Variants in SLC44A5 observed in about 807,000 individuals in gnomAD.
The protein encoded by SLC44A5 is solute carrier family 44 member 5, also known as choline transporter-like protein 5.
Under a neutral mutation model 101.8 loss-of-function variants are expected in SLC44A5, and 57 were observed. That is an observed-to-expected ratio of 0.56 (90% CI 0.45 to 0.70). The LOEUF (loss-of-function observed/expected upper bound fraction) is 0.70, where lower values mean the gene tolerates loss of function less well. Among genes scored for constraint, SLC44A5 ranks in the 30% least tolerant of loss-of-function variants. The probability of loss-of-function intolerance (pLI) is 0.00; values close to 1 mark genes in which losing one functional copy is unlikely to be tolerated. For missense variants in SLC44A5, 737 were observed against 853.1 expected (o/e 0.86, Z 1.70); for synonymous variants, 281 against 290.9 (o/e 0.97, Z 0.35).
intron 4 of SLC44A5, among the ~76,000 whole-genome samples, chr1:75,324,503 A>T (rs1172226430): frequency 6.6e-6 from 1 of 152,236 alleles, no homozygotes; most frequent in Admixed American, 6.5e-5. Flanking sequence ...CTATTAAAGC[A>T]ATCTGTGCTT....
Position 75,437,723 on chromosome 1 carries a change from A to C in SLC44A5, c.14-41102T>G, listed in dbSNP as rs1664970208. Among the ~76,000 whole-genome samples the C allele has an allele frequency of 2.0e-5, 3 of 152,164 alleles. No homozygotes were observed. In the East Asian group the frequency reaches 5.8e-4, roughly 29 times the overall value. Reference sequence around the variant, plus strand: ...CACCAGAATGATTAGCATCATCTCCAACACTCTCACTGGTATTGATAGGTG... The same window carrying C: ...CACCAGAATGATTAGCATCATCTCCCACACTCTCACTGGTATTGATAGGTG... On this transcript the variant is annotated intron_variant, in intron 2 of 23. Transcript: ENST00000370859.
chr1:75,234,591 T>A (rs1321591301), intron 11 of SLC44A5, among the ~76,000 whole-genome samples: 1 of 151,972 alleles, frequency 6.6e-6, no homozygotes, highest in Non-Finnish European at 1.5e-5. Flanking sequence ...TAACTGGCCA[T>A]CCCCGGAGCC....
At chr1:75,702,239 T>C in the SLC44A5 span, among the ~76,000 whole-genome samples, 37,585 of 152,034 alleles carry the variant, frequency 0.25, 4,971 homozygotes, top group Non-Finnish European at 0.3. Flanking sequence ...GGAGGCATCA[T>C]GCTACCTGAC....
chr1:75,570,076 A>C (rs914913122), intron 1 of SLC44A5, among the ~76,000 whole-genome samples: 1 of 152,194 alleles, frequency 6.6e-6, no homozygotes, highest in East Asian at 1.9e-4. Context: ...AATTCCTACT[A>C]GTCATTTGTT....
At chr1:75,376,133 T>C (rs2101207898) in intron 3 of SLC44A5, among the ~76,000 whole-genome samples, 1 of 152,342 alleles carries the variant, frequency 6.6e-6, no homozygotes, top group South Asian at 2.1e-4. Flanking sequence ...TCCGACCGGC[T>C]TAAAAAACGG....
intron 1 of SLC44A5, among the ~76,000 whole-genome samples, chr1:75,593,247 T>C (rs779029712): frequency 3.3e-5 from 5 of 151,980 alleles, no homozygotes; most frequent in African/African-American, 4.8e-5. Context: ...CTCAAAACCA[T>C]TGCTTATCAG....
At chr1:75,641,418 G>A in the SLC44A5 span, 3 of 1,110,402 alleles carry the variant, frequency 2.7e-6, no homozygotes, top group Admixed American at 1.7e-5. Context: ...TTGCTTTGTG[G>A]AGAATAAGCA....
intron 23 of SLC44A5, chr1:75,206,510 G>C (rs1646751099): frequency 1.2e-6 from 1 of 834,820 alleles, no homozygotes; most frequent in African/African-American, 1.7e-5. Flanking sequence ...ATTAAGCACA[G>C]AAATTTCACA....
At chr1:75,378,786 C>A (rs374468645) in intron 3 of SLC44A5, among the ~76,000 whole-genome samples, 1 of 81,026 alleles carries the variant, frequency 1.2e-5, no homozygotes. Flanking sequence ...CAACCTCAAA[C>A]GCAGGTTAAA....
At chr1:75,478,478 C>G (rs557525819) in intron 2 of SLC44A5, among the ~76,000 whole-genome samples, 22 of 152,040 alleles carry the variant, frequency 1.4e-4, no homozygotes, top group Non-Finnish European at 2.2e-4. Context: ...AGAGTCAAGA[C>G]CCATCAGTGT....
chr1:75,251,297 G>C lies in SLC44A5; in HGVS notation c.261-3C>G. ...AGTAAAACAAAATGGTCTTGTTCCT[G>C]TTAAGAAAGAAAACATAATCTTTTT... On this transcript the variant is annotated splice_region_variant and splice_polypyrimidine_tract_variant and intron_variant, in intron 6 of 23. Coordinates refer to ENST00000370859, the MANE Select transcript of SLC44A5 (RefSeq NM_001130058.2). 6.2e-7 allele frequency: 1 copy of C among 1,607,922 alleles called. No homozygotes were observed. Among genetic ancestry groups the C allele is most frequent in the Admixed American group, 1.7e-5 (1 of 59,432 alleles).
chr1:75,445,940 C>G (rs1665548567), intron 2 of SLC44A5, among the ~76,000 whole-genome samples: 1 of 152,150 alleles, frequency 6.6e-6, no homozygotes. Context: ...TTAGCTTTCC[C>G]CTTGATTTCT....
the SLC44A5 span, among the ~76,000 whole-genome samples, chr1:75,626,071 G>A: frequency 1.3e-5 from 2 of 152,088 alleles, no homozygotes; most frequent in Admixed American, 6.6e-5. Flanking sequence ...GGAGAACAGG[G>A]GAAAGGAATA....
chr1:75,470,230 G>C, intron 2 of SLC44A5, among the ~76,000 whole-genome samples: 1 of 152,128 alleles, frequency 6.6e-6, no homozygotes, highest in East Asian at 1.9e-4. Flanking sequence ...GAAGCTAAAA[G>C]CTTTGGTTTT....
At chr1:75,350,877 G>C (rs1451351504) in intron 3 of SLC44A5, among the ~76,000 whole-genome samples, 2 of 115,690 alleles carry the variant, frequency 1.7e-5, no homozygotes, top group African/African-American at 3.5e-5. Context: ...CTGCGTGACA[G>C]GGTGAGACTC....
chr1:75,565,591 A>G (rs2102020669), intron 1 of SLC44A5, among the ~76,000 whole-genome samples: 1 of 152,314 alleles, frequency 6.6e-6, no homozygotes, highest in Middle Eastern at 3.4e-3. Flanking sequence ...CATTTTTGCC[A>G]CACATATTTC....
intron 3 of SLC44A5, among the ~76,000 whole-genome samples, chr1:75,346,530 T>C (rs1268561225): frequency 6.6e-6 from 1 of 152,160 alleles, no homozygotes; most frequent in African/African-American, 2.4e-5. Flanking sequence ...AATGCACTTT[T>C]GAAAAACTGA....
At chr1:75,657,165 A>C in the SLC44A5 span, among the ~76,000 whole-genome samples, 160 of 152,132 alleles carry the variant, frequency 1.1e-3, no homozygotes, top group African/African-American at 3.8e-3. Context: ...TAAAAATAAA[A>C]GACATAGAAT....
At chr1:75,611,339 C>T (rs750853047), upstream of SLC44A5, among the ~76,000 whole-genome samples, 22 of 152,052 alleles carry the variant, frequency 1.4e-4, no homozygotes, top group Non-Finnish European at 2.8e-4. Flanking sequence ...GGAAGTAGGC[C>T]ATGATTACCT....
Sources: allele counts gnomAD v4.1 joint callset (sites outside exome capture counted in the v4.1 genomes callset), GRCh38; gene constraint gnomAD v4.1.1; transcripts MANE v1.5; gene names NCBI Gene and HGNC (gene_info 2026-07-23, HGNC 2026-07-21).